Variants in SH3BGRL2 observed in about 807,000 individuals in gnomAD.
SH3BGRL2 encodes SH3 domain binding glutamate rich protein like 2.
SH3BGRL2 carries 21 observed loss-of-function variants against 14.8 expected under a neutral mutation model. The observed-to-expected ratio is 1.42, with a 90% CI of 1.01 to 2.05. The LOEUF is 2.05. SH3BGRL2 is among the 30% of genes most tolerant of loss of function. SH3BGRL2 has a pLI of 0.00. For synonymous variants in SH3BGRL2, 50 were observed against 47.8 expected (o/e 1.05, Z -0.19); for missense variants, 147 against 130.8 (o/e 1.12, Z -0.61).
chr6:79,654,487 C>G (rs1476774425), intron 1 of SH3BGRL2, among the ~76,000 whole-genome samples: 1 of 152,142 alleles, frequency 6.6e-6, no homozygotes, highest in Non-Finnish European at 1.5e-5. Flanking sequence ...GTTTCTACTC[C>G]TTTACAGATA....
At chr6:79,589,338 G>A in the SH3BGRL2 span, among the ~76,000 whole-genome samples, 5 of 151,356 alleles carry the variant, frequency 3.3e-5, no homozygotes, top group Non-Finnish European at 7.4e-5. Flanking sequence ...TTATTTAATG[G>A]TTACAAAATA....
At chr6:79,686,082 C>T (rs1007039051) in intron 2 of SH3BGRL2, among the ~76,000 whole-genome samples, 7 of 152,130 alleles carry the variant, frequency 4.6e-5, no homozygotes, top group African/African-American at 1.7e-4. Flanking sequence ...AGTATTGTTC[C>T]ATTTTCCATA....
the SH3BGRL2 span, among the ~76,000 whole-genome samples, chr6:79,566,748 T>C: frequency 6.6e-6 from 1 of 151,948 alleles, no homozygotes; most frequent in Non-Finnish European, 1.5e-5. Flanking sequence ...AGACCCCATC[T>C]CTACAAAAAA....
At chr6:79,682,989 G>A (rs187223828) in intron 2 of SH3BGRL2, among the ~76,000 whole-genome samples, 50 of 152,268 alleles carry the variant, frequency 3.3e-4, no homozygotes, top group Admixed American at 3.2e-3. Flanking sequence ...TCATAGGTGG[G>A]AATTGAACAA....
chr6:79,632,705 T>C (rs1768848765), intron 1 of SH3BGRL2, among the ~76,000 whole-genome samples: 1 of 152,232 alleles, frequency 6.6e-6, no homozygotes, highest in African/African-American at 2.4e-5. Context: ...CTTACACTTA[T>C]GTGCAGTCAT....
intron 2 of SH3BGRL2, among the ~76,000 whole-genome samples, chr6:79,683,651 G>A (rs1351986721): frequency 6.6e-6 from 1 of 152,084 alleles, no homozygotes; most frequent in East Asian, 1.9e-4. Context: ...GTTTCACCAT[G>A]TTTGCCAGGA....
the SH3BGRL2 span, among the ~76,000 whole-genome samples, chr6:79,606,764 C>T: frequency 6.6e-6 from 1 of 151,968 alleles, no homozygotes; most frequent in South Asian, 2.1e-4. Flanking sequence ...ATGGAAAGTC[C>T]TGCTAATAAT....
intron 1 of SH3BGRL2, among the ~76,000 whole-genome samples, chr6:79,641,918 A>G (rs917323153): frequency 6.6e-6 from 1 of 152,200 alleles, no homozygotes; most frequent in African/African-American, 2.4e-5. Context: ...AATGTATAAG[A>G]ACATTATAAT....
At chr6:79,557,000 C>T in the SH3BGRL2 span, among the ~76,000 whole-genome samples, 2 of 151,604 alleles carry the variant, frequency 1.3e-5, no homozygotes, top group African/African-American at 4.8e-5. Flanking sequence ...CATGTGATTT[C>T]AGAAAAAATA....
the SH3BGRL2 span, among the ~76,000 whole-genome samples, chr6:79,623,639 CTAATGT>C: frequency 6.6e-6 from 1 of 152,114 alleles, no homozygotes; most frequent in Non-Finnish European, 1.5e-5. Context: ...AAGTGGTAAG[CTAATGT>C]TAAGGTGTCT....
rs1171218415 is a variant in SH3BGRL2 at position 79,701,107 on chromosome 6, A to G, written c.*1598A>G. 1 of 152,196 alleles carries G rather than the reference A, an allele frequency of 6.6e-6. No individual in the cohort carries two copies. Among genetic ancestry groups the G allele is most frequent in the Admixed American group, 6.5e-5 (1 of 15,280 alleles). 9.4% of individuals were successfully genotyped at this position (152,196 alleles called of 1,614,324 possible). ...ATTACAACCAGAAGGAAAGTATGAC[A>G]GATTTCTACTTAACTAGAATGGACA... On this transcript the variant is annotated 3_prime_UTR_variant, in exon 4 of 4. Transcript: ENST00000369838.
At chr6:79,566,362 C>A in the SH3BGRL2 span, among the ~76,000 whole-genome samples, 1 of 152,102 alleles carries the variant, frequency 6.6e-6, no homozygotes, top group Non-Finnish European at 1.5e-5. Flanking sequence ...AATAGGGCCG[C>A]CTTCAAGTTC....
At chr6:79,699,462 ACTTTT>A in intron 3 of SH3BGRL2, 31 bp from the exon 4 acceptor site, 1 of 982,470 alleles carries the variant, frequency 1.0e-6, no homozygotes, top group Non-Finnish European at 1.4e-6. Context: ...GCAATAACTG[ACTTTT>A]TTTTTTTTTT....
chr6:79,539,040 T>C, the SH3BGRL2 span, among the ~76,000 whole-genome samples: 1 of 152,170 alleles, frequency 6.6e-6, no homozygotes, highest in African/African-American at 2.4e-5. Flanking sequence ...AGAAAATATT[T>C]AAGACGCTGG....
At chr6:79,608,969 C>CCA in the SH3BGRL2 span, among the ~76,000 whole-genome samples, 1 of 152,184 alleles carries the variant, frequency 6.6e-6, no homozygotes, top group Admixed American at 6.5e-5. Context: ...ACTAATCCTT[C>CCA]CACACCCTGC....
the SH3BGRL2 span, among the ~76,000 whole-genome samples, chr6:79,539,613 A>G: frequency 6.6e-6 from 1 of 152,216 alleles, no homozygotes; most frequent in East Asian, 1.9e-4. Context: ...TGGCTTCTTT[A>G]TTGCCATATG....
chr6:79,655,187 A>G (rs1769380875), intron 1 of SH3BGRL2, among the ~76,000 whole-genome samples: 1 of 152,084 alleles, frequency 6.6e-6, no homozygotes, highest in Non-Finnish European at 1.5e-5. Context: ...CTGAGGGCAT[A>G]AGAGGGAGCA....
chr6:79,595,826 A>G, the SH3BGRL2 span, among the ~76,000 whole-genome samples: 9 of 152,210 alleles, frequency 5.9e-5, no homozygotes, highest in Non-Finnish European at 7.3e-5. Context: ...AGCTAGGTCA[A>G]TTAGGCAAGA....
At chr6:79,636,476 C>T (rs1768924616) in intron 1 of SH3BGRL2, among the ~76,000 whole-genome samples, 1 of 152,050 alleles carries the variant, frequency 6.6e-6, no homozygotes, top group African/African-American at 2.4e-5. Flanking sequence ...TCAGAAGAAG[C>T]AGGAGTAAGT....
Sources: allele counts gnomAD v4.1 joint callset (sites outside exome capture counted in the v4.1 genomes callset), GRCh38; gene constraint gnomAD v4.1.1; transcripts MANE v1.5; gene names NCBI Gene and HGNC (gene_info 2026-07-23, HGNC 2026-07-21).